The following LSAMP variants were observed in gnomAD, a reference collection of about 807,000 sequenced individuals.
LSAMP encodes the protein limbic system-associated membrane protein.
In LSAMP, 7 loss-of-function variants were observed where a neutral mutation model predicts 38.6. That is an observed-to-expected ratio of 0.18 (90% CI 0.10 to 0.34). The LOEUF is 0.34. Among genes scored for constraint, LSAMP ranks in the 10% least tolerant of loss-of-function variants. The pLI is 1.00. For missense variants in LSAMP, 313 were observed against 420.0 expected (o/e 0.75, Z 2.23); for synonymous variants, 154 against 166.8 (o/e 0.92, Z 0.59).
intron 1 of LSAMP, among the ~76,000 whole-genome samples, chr3:116,124,276 A>T (rs1038490827): frequency 6.6e-6 from 1 of 152,154 alleles, no homozygotes; most frequent in African/African-American, 2.4e-5. Context: ...TAGAAGACCT[A>T]CCATTCATAT....
intron 6 of LSAMP, chr3:115,816,760 G>A (rs1934038060): frequency 1.1e-5 from 5 of 474,464 alleles, no homozygotes; most frequent in South Asian, 3.8e-5. Flanking sequence ...GAGAAAAGGA[G>A]GAAAGAACAT....
chr3:116,269,938 T>C lies in LSAMP; in HGVS notation c.155+174939A>G, dbSNP rs143588359. On this transcript the variant is annotated intron_variant, in intron 1 of 6. Coordinates refer to ENST00000490035, the MANE Select transcript of LSAMP (RefSeq NM_002338.5). ...ACAACTGTGTTTACTGGACTTCTAATAAATGAATGTGTGTCTACACGCCCA... is the reference window on the plus strand; with the variant it reads ...ACAACTGTGTTTACTGGACTTCTAACAAATGAATGTGTGTCTACACGCCCA... Among the ~76,000 whole-genome samples, 276 of 152,306 alleles carry C rather than the reference T, an allele frequency of 1.8e-3. 2 individuals carry two copies. Among genetic ancestry groups the C allele is most frequent in the African/African-American group, 6.3e-3 (261 of 41,580 alleles).
intron 1 of LSAMP, among the ~76,000 whole-genome samples, chr3:116,218,492 C>T (rs907133512): frequency 6.6e-6 from 1 of 152,118 alleles, no homozygotes; most frequent in Non-Finnish European, 1.5e-5. Context: ...CACAACCTGT[C>T]AACAGTTTTA....
chr3:116,387,059 G>A (rs1205729296), intron 1 of LSAMP, among the ~76,000 whole-genome samples: 1 of 152,118 alleles, frequency 6.6e-6, no homozygotes, highest in East Asian at 1.9e-4. Context: ...TAAAATTTGG[G>A]ATCACATGAG....
At chr3:116,154,693 T>C (rs1377910300) in intron 1 of LSAMP, among the ~76,000 whole-genome samples, 1 of 152,046 alleles carries the variant, frequency 6.6e-6, no homozygotes, top group Non-Finnish European at 1.5e-5. Flanking sequence ...CCTTCACACA[T>C]ATCCTTCCCC....
intron 2 of LSAMP, among the ~76,000 whole-genome samples, chr3:116,041,250 C>A (rs1019157952): frequency 6.6e-6 from 1 of 151,946 alleles, no homozygotes; most frequent in African/African-American, 2.4e-5. Context: ...CCCATATTAG[C>A]CAACAAAATG....
At chr3:116,354,969 A>G (rs1474495328) in intron 1 of LSAMP, among the ~76,000 whole-genome samples, 1 of 152,018 alleles carries the variant, frequency 6.6e-6, no homozygotes, top group Admixed American at 6.6e-5. Context: ...TGATTCTCCA[A>G]CATTCCATTA....
At chr3:116,312,398 A>G (rs2047569403) in intron 1 of LSAMP, among the ~76,000 whole-genome samples, 1 of 152,214 alleles carries the variant, frequency 6.6e-6, no homozygotes, top group Non-Finnish European at 1.5e-5. Context: ...TCTAAGATTC[A>G]TTCTGAGCAC....
At chr3:115,884,340 C>A (rs1936397036) in intron 3 of LSAMP, among the ~76,000 whole-genome samples, 5 of 151,902 alleles carry the variant, frequency 3.3e-5, no homozygotes, top group African/African-American at 1.2e-4. Flanking sequence ...TCGAGAAGAA[C>A]AAATGGTGGA....
In LSAMP at chr3:116,283,928, C is replaced by T. The variant is rs112478919; in HGVS notation, c.155+160949G>A. 3.7e-3 allele frequency among the ~76,000 whole-genome samples: 561 copies of T among 152,176 alleles called. 6 individuals are homozygous for T. The highest frequency in any genetic ancestry group is 0.013 in the African/African-American group (545 of 41,518). ...GGCTGAGGTAGAAGAATTGCTTGAA[C>T]CCAGGAGGCGGAGGTTGCAGTGAGC... On this transcript the variant is annotated intron_variant, in intron 1 of 6. Transcript: ENST00000490035.
At chr3:116,099,754 C>T (rs1708302907) in intron 1 of LSAMP, among the ~76,000 whole-genome samples, 6 of 152,186 alleles carry the variant, frequency 3.9e-5, no homozygotes, top group Admixed American at 3.9e-4. Flanking sequence ...AACTCTCTCA[C>T]AATTTCTCAA....
At chr3:116,433,069 G>A (rs550001836) in intron 1 of LSAMP, among the ~76,000 whole-genome samples, 3 of 152,202 alleles carry the variant, frequency 2.0e-5, no homozygotes, top group Admixed American at 6.5e-5. Context: ...TGTGGCTTAC[G>A]TCTCACAAAA....
At chr3:116,182,681 T>A (rs965349563) in intron 1 of LSAMP, among the ~76,000 whole-genome samples, 4 of 151,762 alleles carry the variant, frequency 2.6e-5, no homozygotes, top group African/African-American at 7.2e-5. Context: ...AATCACCTGT[T>A]TTTTTGATAT....
intron 1 of LSAMP, among the ~76,000 whole-genome samples, chr3:116,167,767 C>T (rs1015838491): frequency 6.6e-6 from 1 of 152,188 alleles, no homozygotes; most frequent in Non-Finnish European, 1.5e-5. Flanking sequence ...CCCTTATATA[C>T]AACATACTAT....
intron 1 of LSAMP, among the ~76,000 whole-genome samples, chr3:116,295,314 A>G (rs1232703476): frequency 1.3e-5 from 2 of 152,130 alleles, no homozygotes; most frequent in African/African-American, 4.8e-5. Flanking sequence ...GTACAATGAT[A>G]CCTTGGCCTT....
intron 1 of LSAMP, among the ~76,000 whole-genome samples, chr3:116,322,842 TC>T (rs1473597540): frequency 6.6e-6 from 1 of 152,144 alleles, no homozygotes; most frequent in African/African-American, 2.4e-5. Context: ...TTCTCTACTT[TC>T]TTTCCTCCTT....
intron 1 of LSAMP, among the ~76,000 whole-genome samples, chr3:116,264,509 G>A (rs1434172431): frequency 6.6e-6 from 1 of 152,140 alleles, no homozygotes; most frequent in East Asian, 1.9e-4. Flanking sequence ...AAGGGGCATT[G>A]TGTAGTGTTT....
intron 3 of LSAMP, among the ~76,000 whole-genome samples, chr3:115,975,703 G>GT (rs955293372): frequency 7.9e-5 from 12 of 151,826 alleles, no homozygotes; most frequent in African/African-American, 1.9e-4. Context: ...AGCATTGACT[G>GT]TTTTTTTCCC....
intron 1 of LSAMP, among the ~76,000 whole-genome samples, chr3:116,317,754 G>A (rs2047652392): frequency 6.6e-6 from 1 of 152,062 alleles, no homozygotes; most frequent in Admixed American, 6.6e-5. Context: ...CAAGAAAAGA[G>A]GTTTCTAAGT....
Sources: allele counts gnomAD v4.1 joint callset (sites outside exome capture counted in the v4.1 genomes callset), GRCh38; gene constraint gnomAD v4.1.1; transcripts MANE v1.5; gene names NCBI Gene and HGNC (gene_info 2026-07-23, HGNC 2026-07-21).